Variants in TRAF3IP2 observed in about 807,000 individuals in gnomAD.
The protein encoded by TRAF3IP2 is E3 ubiquitin ligase TRAF3IP2.
In TRAF3IP2, 35 loss-of-function variants were observed where a neutral mutation model predicts 57.9. The observed-to-expected ratio is 0.60, with a 90% confidence interval of 0.46 to 0.80. TRAF3IP2 has a LOEUF of 0.80. TRAF3IP2 is among the 30% of genes least tolerant of loss of function. The pLI is 0.00. For missense variants in TRAF3IP2, 556 were observed against 706.4 expected, an observed-to-expected ratio of 0.79 and a Z score of 2.41; for synonymous variants, 251 against 268.9, an observed-to-expected ratio of 0.93 and a Z score of 0.65.
In TRAF3IP2 at chr6:111,556,193, CGTGTGTGTGTGTATGTGTGCGTGTGTGT is replaced by C. The variant is rs1449306101; in HGVS notation, c.*3184_*3211del. ...CAAGCTTTTGTCACTTGGCCAAGTG[CGTGTGTGTGTGTATGTGTGCGTGTGTGT>C]GTGTGTGTCTGTGTGTACTTTTTGG... On this transcript the variant is annotated 3_prime_UTR_variant, in exon 9 of 9. Coordinates refer to ENST00000368761, the MANE Select transcript of TRAF3IP2 (RefSeq NM_147686.4). 1.3e-5 allele frequency among the ~76,000 whole-genome samples: 2 copies of C among 150,508 alleles called. No homozygotes were observed. Among genetic ancestry groups the C allele is most frequent in the Admixed American group, 1.3e-4 (2 of 15,116 alleles).
rs986201689 is a variant in TRAF3IP2, at chr6:111,558,879, A to G, written c.*526T>C. The G allele has an allele frequency of 1.3e-5, 2 of 152,458 alleles. No homozygotes were observed. The highest frequency in any genetic ancestry group is 4.8e-5 in the African/African-American group (2 of 41,592). The allele number at this position is 152,458 out of a possible 1,614,324, so 9.4% of individuals were successfully genotyped here. ...AAGCAGCTTTGTTGATGTCCCTGGA[A>G]GCAACTGCCCATATCATTATAAATT... On this transcript the variant is annotated 3_prime_UTR_variant, in exon 9 of 9. Coordinates refer to ENST00000368761, the MANE Select transcript of TRAF3IP2 (RefSeq NM_147686.4).
At chr6:111,572,390 T>C (rs1251873649) in intron 5 of TRAF3IP2, among the ~76,000 whole-genome samples, 2 of 152,148 alleles carry the variant, frequency 1.3e-5, no homozygotes, top group Non-Finnish European at 2.9e-5. Flanking sequence ...CATCACTGCG[T>C]CAAGGTATGA....
chr6:111,564,967 G>A (rs1795581164), intron 7 of TRAF3IP2, among the ~76,000 whole-genome samples: 1 of 152,152 alleles, frequency 6.6e-6, no homozygotes, highest in African/African-American at 2.4e-5. Flanking sequence ...GCAGCACCCC[G>A]AGCCAGCCAT....
rs368397486 is a variant in TRAF3IP2, at chr6:111,601,133, G to A, written c.-9+4643C>T. On this transcript the variant is annotated intron_variant, in intron 1 of 8. Coordinates refer to ENST00000368761, the MANE Select transcript of TRAF3IP2 (RefSeq NM_147686.4). ...GTTCAGCTATTGGGAGGGAAGAAAG[G>A]GGATGGGGAAGCCACATAACCCCTA... 8 of 728,462 alleles carry A rather than the reference G, an allele frequency of 1.1e-5. No homozygotes were observed. In the African/African-American group the frequency reaches 1.4e-4, roughly 13 times the overall value. The allele number at this position is 728,462 out of a possible 1,614,324, so 45.1% of individuals were successfully genotyped here.
intron 2 of TRAF3IP2, among the ~76,000 whole-genome samples, chr6:111,586,491 A>G (rs1796341839): frequency 6.6e-6 from 1 of 152,168 alleles, no homozygotes; most frequent in African/African-American, 2.4e-5. Flanking sequence ...GGGTGAGGAG[A>G]AAACGTAGAC....
In TRAF3IP2 at chr6:111,566,501, A is replaced by G. The variant is rs781159059; in HGVS notation, c.1419T>C (p.Ala473=). The G allele has an allele frequency of 9.9e-6, 16 of 1,614,174 alleles. No individual in the cohort carries two copies. In the Middle Eastern group the frequency reaches 1.6e-3, roughly 166 times the overall value. Residue 473 remains alanine (A), a synonymous_variant, in exon 7 of 9, where the codon GCT becomes GCC. Coordinates refer to ENST00000368761, the MANE Select transcript of TRAF3IP2 (RefSeq NM_147686.4). ...SPKYKQDVEG[A]ESQLDEDEHG... Reference sequence around the variant, plus strand: ...GCTCATCCTCGTCCAGCTGCGACTCAGCGCCTTCCACGTCCTGTTTGTATT... The same window carrying G: ...GCTCATCCTCGTCCAGCTGCGACTCGGCGCCTTCCACGTCCTGTTTGTATT...
At position 111,575,643 on chromosome 6, in the gene TRAF3IP2, G is replaced by T. The variant is rs767596361; in HGVS notation, c.1201C>A (p.Arg401=). 7.5e-6 allele frequency: 12 copies of T among 1,605,390 alleles called. No homozygotes were observed. The highest frequency in any genetic ancestry group is 1.1e-5 in the South Asian group (1 of 90,754). The stretch of plus-strand genomic sequence containing the variant: ...GAGAACAATGTTGCAAACAACTTAC[G>T]CAATTCTTCTGGCAAATTGCTTGTT... ...LKTSNLPEEL[R]KVFITYSMDT... Residue 401 remains arginine, a splice_region_variant and synonymous_variant, in exon 4 of 9, where the codon CGG becomes AGG. Transcript: ENST00000368761.
At chr6:111,566,404 C>G (rs1795634709) in intron 7 of TRAF3IP2, 40 bp downstream of exon 7, 2 of 1,502,772 alleles carry the variant, frequency 1.3e-6, no homozygotes, top group African/African-American at 1.4e-5. Context: ...GTATCCATCC[C>G]CAGGGGACAG....
At chr6:111,567,181 A>G in intron 6 of TRAF3IP2, 2 of 1,002,684 alleles carry the variant, frequency 2.0e-6, no homozygotes, top group Non-Finnish European at 2.4e-6. Flanking sequence ...AGATTCTGTC[A>G]GTGGAGAACA....
At chr6:111,568,172 T>C (rs1156831469) in intron 5 of TRAF3IP2, among the ~76,000 whole-genome samples, 2 of 152,202 alleles carry the variant, frequency 1.3e-5, no homozygotes, top group Non-Finnish European at 2.9e-5. Context: ...TATGTACAGT[T>C]TCAATCTATA....
intron 5 of TRAF3IP2, among the ~76,000 whole-genome samples, chr6:111,569,226 G>A (rs1795749427): frequency 6.6e-6 from 1 of 152,226 alleles, no homozygotes; most frequent in Admixed American, 6.5e-5. Context: ...TTATATGGGA[G>A]AGAAGCAATA....
intron 1 of TRAF3IP2, among the ~76,000 whole-genome samples, chr6:111,605,116 A>G (rs1796980168): frequency 6.6e-6 from 1 of 151,834 alleles, no homozygotes; most frequent in Non-Finnish European, 1.5e-5. Context: ...CTATTCTAAG[A>G]TACCATCTTG....
intron 4 of TRAF3IP2, among the ~76,000 whole-genome samples, chr6:111,575,252 G>A (rs1460295743): frequency 6.6e-6 from 1 of 151,808 alleles, no homozygotes; most frequent in African/African-American, 2.4e-5. Flanking sequence ...TCGAGATTAG[G>A]GACGAGTGAT....
chr6:111,567,319 T>C, intron 6 of TRAF3IP2: 4 of 1,106,382 alleles, frequency 3.6e-6, no homozygotes, highest in Non-Finnish European at 4.4e-6. Context: ...TGAATTCTGC[T>C]GCTCTCTCCC....
chr6:111,578,337 G>C (rs913224224), intron 3 of TRAF3IP2, among the ~76,000 whole-genome samples: 2 of 152,074 alleles, frequency 1.3e-5, no homozygotes, highest in African/African-American at 4.8e-5. Context: ...ATGTATTTAT[G>C]GTTTAGAAAA....
chr6:111,566,395 T>C lies in TRAF3IP2; in HGVS notation c.1476+49A>G, dbSNP rs955031329. The C allele has an allele frequency of 4.2e-6, 6 of 1,419,572 alleles. No homozygotes were observed. The Admixed American group carries it at 8.5e-5, about 20-fold the overall frequency. 87.9% of individuals were successfully genotyped at this position (1,419,572 alleles called of 1,614,324 possible). A position where few individuals can be genotyped will look rare whatever the true frequency, so the allele number is the denominator to read the frequency against. On this transcript the variant is annotated intron_variant, in intron 7 of 8. Coordinates refer to ENST00000368761, the MANE Select transcript of TRAF3IP2 (RefSeq NM_147686.4). ...AAGAATGGGACTTCCCTGGACAAGG[T>C]ATCCATCCCCAGGGGACAGTGAGGT...
In TRAF3IP2 at chr6:111,566,530, G is replaced by A. The variant is rs1795641658; in HGVS notation, c.1390C>T (p.Pro464Ser). The change falls in exon 7 of 9, where the codon CCC becomes TCC. Residue 464 changes from proline (P) to serine (S), a missense_variant. Coordinates refer to ENST00000368761, the MANE Select transcript of TRAF3IP2 (RefSeq NM_147686.4). Reference protein sequence around the residue: ...KTVMIIVAISPKYKQDVEGAE... With the variant: ...KTVMIIVAISSKYKQDVEGAE... ...CCTTCCACGTCCTGTTTGTATTTGG[G>A]GCTGATTGCTACGATTATCATCACG... 4 of 1,614,154 alleles carry A rather than the reference G, an allele frequency of 2.5e-6. No homozygotes were observed. Among genetic ancestry groups the A allele is most frequent in the Non-Finnish European group, 3.4e-6 (4 of 1,180,028 alleles).
At chr6:111,563,096 G>T in intron 7 of TRAF3IP2, 57 bp from the exon 8 acceptor site, 2 of 1,321,538 alleles carry the variant, frequency 1.5e-6, no homozygotes, top group Non-Finnish European at 2.2e-6. Flanking sequence ...GGAGTTAATG[G>T]TACCCATAAT....
chr6:111,566,513 G>A lies in TRAF3IP2; in HGVS notation c.1407C>T (p.Asp469=), dbSNP rs150436455. 2.0e-5 allele frequency: 33 copies of A among 1,614,030 alleles called. No homozygotes were observed. Among genetic ancestry groups the A allele is most frequent in the Non-Finnish European group, 2.2e-5 (26 of 1,180,034 alleles). Residue 469 remains aspartate (D), a synonymous_variant, in exon 7 of 9, where the codon GAC becomes GAT. Transcript: ENST00000368761. ...IVAISPKYKQ[D]VEGAESQLDE... ...CCAGCTGCGACTCAGCGCCTTCCAC[G>A]TCCTGTTTGTATTTGGGGCTGATTG...
Sources: allele counts gnomAD v4.1 joint callset (sites outside exome capture counted in the v4.1 genomes callset), GRCh38; gene constraint gnomAD v4.1.1; transcripts MANE v1.5; gene names NCBI Gene and HGNC (gene_info 2026-07-23, HGNC 2026-07-21).